NPAS1: variants seen among roughly 807,000 people sequenced by gnomAD.
NPAS1 encodes neuronal PAS domain protein 1, also known as neuronal PAS domain-containing protein 1.
A neutral mutation model predicts 49.2 loss-of-function variants in NPAS1; 29 were observed. That is an observed-to-expected ratio of 0.59 (90% confidence interval 0.44 to 0.80). The LOEUF is 0.80. Ranked by LOEUF, NPAS1 falls within the 30% of genes least tolerant of loss-of-function variation. NPAS1 has a pLI of 0.00. For synonymous variants in NPAS1, 408 were observed against 380.4 expected, an observed-to-expected ratio of 1.07 and a Z score of -0.84; for missense variants, 825 against 835.5, an observed-to-expected ratio of 0.99 and a Z score of 0.15.
Position 47,021,890 on chromosome 19 carries a change from G to A in NPAS1, c.358+43G>A, listed in dbSNP as rs1274170097. ...GGGCGAGGGTCCCGGGGCCCTCCAG[G>A]CGGAGTCACTGCAGCCCAGATCCGG... On this transcript the variant is annotated intron_variant, in intron 3 of 11. Transcript: ENST00000602212. This position sits in a 1 kb window ranked among gnomAD's most constrained non-coding sequence, Gnocchi z 5.7. The A allele has an allele frequency of 1.5e-6, 2 of 1,293,938 alleles. No individual in the cohort carries two copies. The highest frequency in any genetic ancestry group is 3.3e-5 in the Admixed American group (1 of 30,602). 80.2% of individuals were successfully genotyped at this position (1,293,938 alleles called of 1,614,324 possible).
intron 6 of NPAS1, 91 bp downstream of exon 6, chr19:47,036,220 TAGC>T: frequency 1.5e-6 from 2 of 1,326,730 alleles, no homozygotes; most frequent in South Asian, 1.3e-5. Flanking sequence ...TTTATACAAA[TAGC>T]AGTGAAGTTA....
chr19:47,019,950 G>A lies in NPAS1; in HGVS notation c.-90G>A, dbSNP rs1210870881. On this transcript the variant is annotated 5_prime_UTR_variant, in exon 1 of 12. Transcript: ENST00000602212. ...CGCCGCCCGGCCGGCCCCACGCCGC[G>A]CCCGGAGCCTGCTCTGCGGCCAAGT... 9 of 393,752 alleles carry A rather than the reference G, an allele frequency of 2.3e-5. No individual in the cohort carries two copies. Among genetic ancestry groups the A allele is most frequent in the Non-Finnish European group, 4.0e-5 (9 of 222,976 alleles). 24.4% of individuals were successfully genotyped at this position (393,752 alleles called of 1,614,324 possible). A position where few individuals can be genotyped will look rare whatever the true frequency, so the allele number is the denominator to read the frequency against.
Position 47,021,640 on chromosome 19 carries a change from C to G in NPAS1, c.151C>G (p.Arg51Gly), listed in dbSNP as rs2056842139. 1 of 1,547,524 alleles carries G rather than the reference C, an allele frequency of 6.5e-7. No individual in the cohort carries two copies. Among genetic ancestry groups the G allele is most frequent in the South Asian group, 1.2e-5 (1 of 83,544 alleles). ...CLQAQRKEKSRNAARSRRGKE... is the reference protein window; with the variant it reads ...CLQAQRKEKSGNAARSRRGKE... ...GCAGGCGCAGCGCAAGGAGAAGTCC[C>G]GGAACGCGGCGCGCTCGCGGCGCGG... The change falls in exon 3 of 12, where the codon CGG (arginine) becomes GGG (glycine). Residue 51 changes from arginine to glycine, a missense_variant. By Grantham distance (125) the Arg-to-Gly change is moderately radical. Transcript: ENST00000602212. The surrounding 1 kb of genome is among the most constrained non-coding windows in gnomAD (Gnocchi z 5.7).
chr19:47,039,615 T>C (rs1212971697), intron 8 of NPAS1, 51 bp downstream of exon 8: 1 of 1,506,864 alleles, frequency 6.6e-7, no homozygotes, highest in East Asian at 2.3e-5. Context: ...AATGGAGATC[T>C]GGGGGTACAT....
rs767788171 is a variant in NPAS1 at position 47,039,102 on chromosome 19, A to C, written c.755A>C (p.Lys252Thr). ...GAGCGCTCCTTCTTTGTCCGCATGA[A>C]ATCCACGCTCACCAAGAGGGGGCTG... ...VQERSFFVRM[K>T]STLTKRGLHV... Residue 252 changes from lysine (K) to threonine (T), a missense_variant, in exon 7 of 12, where the codon AAA becomes ACA. Physicochemically the swap from Lys to Thr is moderately conservative, Grantham distance 78. Transcript: ENST00000602212. 1 of 1,613,790 alleles carries C rather than the reference A, an allele frequency of 6.2e-7. No homozygotes were observed. The highest frequency in any genetic ancestry group is 1.1e-5 in the South Asian group (1 of 91,044).
intron 3 of NPAS1, among the ~76,000 whole-genome samples, chr19:47,028,917 G>A (rs2056889771): frequency 6.6e-6 from 1 of 152,118 alleles, no homozygotes; most frequent in African/African-American, 2.4e-5. Flanking sequence ...CCCAGCACAA[G>A]GTCCAGGGTC....
intron 3 of NPAS1, among the ~76,000 whole-genome samples, chr19:47,028,253 G>C (rs1275531489): frequency 6.6e-6 from 1 of 152,136 alleles, no homozygotes; most frequent in Admixed American, 6.5e-5. Flanking sequence ...TCACCCGGCT[G>C]GTTCCGAGCT....
rs1568504008 is a variant in NPAS1 at position 47,032,859 on chromosome 19, C to T, written c.522+127C>T. 5 of 696,168 alleles carry T rather than the reference C, an allele frequency of 7.2e-6. No homozygotes were observed. In the East Asian group the frequency reaches 1.1e-4, roughly 15 times the overall value. The allele number at this position is 696,168 out of a possible 1,614,324, so 43.1% of individuals were successfully genotyped here. On this transcript the variant is annotated intron_variant, in intron 5 of 11. Transcript: ENST00000602212. ...AAATGGACTGGATCTCTGTGGTCCC[C>T]AAAGTGTGTTCCTTGGCACCCCACA...
intron 6 of NPAS1, among the ~76,000 whole-genome samples, chr19:47,038,253 T>A (rs950498002): frequency 2.6e-5 from 4 of 152,172 alleles, no homozygotes; most frequent in Admixed American, 1.3e-4. Context: ...GCGCAGTGGC[T>A]CACGCCTGTA....
Position 47,042,011 on chromosome 19 carries a change from A to AAAAAAAGG in NPAS1, c.1218-795_1218-794insAAGGAAAA, listed in dbSNP as rs1568510776. ...AAAAAAAAAAAAAAAAAAAAAAGGA[A>AAAAAAAGG]AAAACACCCTTCTAGGCCAGGCACA... On this transcript the variant is annotated intron_variant, in intron 10 of 11. Coordinates refer to ENST00000602212, the MANE Select transcript of NPAS1 (RefSeq NM_002517.4). 9.7e-4 allele frequency among the ~76,000 whole-genome samples: 84 copies of AAAAAAAGG among 86,694 alleles called. 3 individuals are homozygous for AAAAAAAGG. The highest frequency in any genetic ancestry group is 5.6e-3 in the South Asian group (10 of 1,786). 56.9% of individuals were successfully genotyped at this position (86,694 alleles called of 152,430 possible). A position where few individuals can be genotyped will look rare whatever the true frequency, so the allele number is the denominator to read the frequency against.
chr19:47,021,127 A>G lies in NPAS1; in HGVS notation c.80A>G (p.Asp27Gly), dbSNP rs745521872. 6.3e-6 allele frequency: 10 copies of G among 1,599,726 alleles called. No individual in the cohort carries two copies. The East Asian group carries it at 2.3e-4, about 37-fold the overall frequency. Residue 27 changes from aspartate to glycine, a missense_variant, in exon 2 of 12, where the codon GAC (aspartate) becomes GGC (glycine). Transcript: ENST00000602212. This position sits in a 1 kb window ranked among gnomAD's most constrained non-coding sequence, Gnocchi z 5.7. The stretch of plus-strand genomic sequence containing the variant: ...GGCCGCGGCGCCAGCGTCCCCTGGG[A>G]CTTTCTACCCGGGCTGATGGTCAAG... ...VGGRGASVPW[D>G]FLPGLMVKAP...
At position 47,039,521 on chromosome 19, in the gene NPAS1, T is replaced by G. The variant is rs1267644166; in HGVS notation, c.919T>G (p.Phe307Val). 1.9e-6 allele frequency: 3 copies of G among 1,607,320 alleles called. No homozygotes were observed. The highest frequency in any genetic ancestry group is 1.7e-6 in the Non-Finnish European group (2 of 1,176,052). Residue 307 changes from phenylalanine (F) to valine (V), a missense_variant, in exon 8 of 12, where the codon TTC becomes GTC. Physicochemically the swap from Phe to Val is conservative, Grantham distance 50 (BLOSUM62 -1). Transcript: ENST00000602212. ...GCCACTCCATGGACACATGATCGTCTTCCGTCTCAGCCTGGGTCTCACCAT... is the reference window on the plus strand; with the variant it reads ...GCCACTCCATGGACACATGATCGTCGTCCGTCTCAGCCTGGGTCTCACCAT... ...ELPLHGHMIV[F>V]RLSLGLTILA... is the part of the protein sequence containing the mutation.
rs1017414141 is a variant in NPAS1, at chr19:47,045,190, G to A, written c.1313-1G>A. The A allele has an allele frequency of 6.2e-7, 1 of 1,612,976 alleles. No individual in the cohort carries two copies. The highest frequency in any genetic ancestry group is 1.3e-5 in the African/African-American group (1 of 75,028). On this transcript the variant is annotated splice_acceptor_variant, in intron 11 of 11. Transcript: ENST00000602212. LOFTEE classifies it high-confidence loss of function. ...AGGCCCTCAGCATCTTCCTCTTCCA[G>A]AGCCGGAGCCTCCGACGGAAGGGAA...
In NPAS1 at chr19:47,021,897, C is replaced by A; in HGVS notation, c.358+50C>A. 8.2e-7 allele frequency: 1 copy of A among 1,225,540 alleles called. No homozygotes were observed. The highest frequency in any genetic ancestry group is 1.8e-5 in the South Asian group (1 of 56,896). The allele number at this position is 1,225,540 out of a possible 1,614,324, so 75.9% of individuals were successfully genotyped here. ...GGTCCCGGGGCCCTCCAGGCGGAGTCACTGCAGCCCAGATCCGGGCTGCGG... is the reference window on the plus strand; with the variant it reads ...GGTCCCGGGGCCCTCCAGGCGGAGTAACTGCAGCCCAGATCCGGGCTGCGG... On this transcript the variant is annotated intron_variant, in intron 3 of 11. Transcript: ENST00000602212. This position sits in a 1 kb window ranked among gnomAD's most constrained non-coding sequence, Gnocchi z 5.7.
chr19:47,023,282 G>T (rs553423224), intron 3 of NPAS1, among the ~76,000 whole-genome samples: 1 of 152,106 alleles, frequency 6.6e-6, no homozygotes, highest in Non-Finnish European at 1.5e-5. Flanking sequence ...GGAAAGGGGG[G>T]GCTAAGAGAG....
intron 6 of NPAS1, among the ~76,000 whole-genome samples, chr19:47,037,909 T>C (rs2056975055): frequency 6.6e-6 from 1 of 152,232 alleles, no homozygotes; most frequent in Non-Finnish European, 1.5e-5. Flanking sequence ...TCCCCTGTTC[T>C]GGGCCAGCCC....
chr19:47,031,020 C>G (rs527464524), intron 3 of NPAS1, among the ~76,000 whole-genome samples: 5 of 152,154 alleles, frequency 3.3e-5, no homozygotes, highest in African/African-American at 1.2e-4. Flanking sequence ...ATCCCTCTGT[C>G]TCTGTCTTTC....
intron 6 of NPAS1, among the ~76,000 whole-genome samples, chr19:47,037,917 C>A (rs1445597114): frequency 6.6e-6 from 1 of 152,218 alleles, no homozygotes; most frequent in Non-Finnish European, 1.5e-5. Context: ...TCTGGGCCAG[C>A]CCCTGTCCTG....
At chr19:47,044,986 T>C (rs1599927071) in intron 11 of NPAS1, among the ~76,000 whole-genome samples, 1 of 151,868 alleles carries the variant, frequency 6.6e-6, no homozygotes, top group African/African-American at 2.4e-5. Flanking sequence ...GCTGAGATGG[T>C]GCTGGTGCAC....
Sources: gnomAD v4.1 joint callset for allele counts (sites outside exome capture counted in the v4.1 genomes callset) on GRCh38, gnomAD v4.1.1 for gene constraint, Gnocchi (gnomAD v3.1) non-coding constraint, MANE v1.5 for transcripts, NCBI Gene and HGNC (gene_info 2026-07-23, HGNC 2026-07-21) for gene names.